Variants in NRG3 observed in about 807,000 individuals in gnomAD.
NRG3 encodes neuregulin 3.
Under a neutral mutation model 66.9 loss-of-function variants are expected in NRG3, and 31 were observed. The ratio of observed to expected loss-of-function variants is 0.46; its 90% CI spans 0.35 to 0.63. NRG3 has a LOEUF of 0.63. Ranked by LOEUF, NRG3 falls within the 20% of genes least tolerant of loss-of-function variation. The pLI, the probability that NRG3 is intolerant of heterozygous loss-of-function variation, is 0.00. For synonymous variants in NRG3, 393 were observed against 359.4 expected, an observed-to-expected ratio of 1.09 and a Z score of -1.06; for missense variants, 910 against 878.9, an observed-to-expected ratio of 1.04 and a Z score of -0.45.
chr10:82,554,869 G>A lies in NRG3; in HGVS notation c.954-183708G>A, dbSNP rs765948786. On this transcript the variant is annotated intron_variant, in intron 2 of 8. Transcript: ENST00000372141. The stretch of plus-strand genomic sequence containing the variant: ...CGACATGTGAATTTCTATGTGAAAA[G>A]AGCAGTTATGAGGACGGTTTGTATG... Among the ~76,000 whole-genome samples, 3 of 152,148 alleles carry A rather than the reference G, an allele frequency of 2.0e-5. No individual in the cohort carries two copies. In the East Asian group the frequency reaches 5.8e-4, roughly 29 times the overall value.
chr10:82,524,575 T>A (rs1416712337), intron 2 of NRG3, among the ~76,000 whole-genome samples: 1 of 151,848 alleles, frequency 6.6e-6, no homozygotes, highest in Admixed American at 6.6e-5. Context: ...TTACCATAAT[T>A]CTCTGTTAGA....
intron 2 of NRG3, among the ~76,000 whole-genome samples, chr10:82,566,695 C>T (rs2045428238): frequency 6.6e-6 from 1 of 151,882 alleles, no homozygotes; most frequent in Non-Finnish European, 1.5e-5. Context: ...ATGAGGGTTA[C>T]AGATTTTTGT....
In NRG3 at chr10:82,437,684, G is replaced by A. The variant is rs11194314; in HGVS notation, c.953+78816G>A. ...CATCTTCGTGAATTTGTCTACTTTT[G>A]GTCTTTGAGGTTGCTGATCCTTGGA... On this transcript the variant is annotated intron_variant, in intron 2 of 8. Coordinates refer to ENST00000372141, the MANE Select transcript of NRG3 (RefSeq NM_001010848.4). Among the ~76,000 whole-genome samples, 851 of 152,114 alleles carry A rather than the reference G, an allele frequency of 5.6e-3. 6 individuals are homozygous for A. The highest frequency in any genetic ancestry group is 0.02 in the African/African-American group (817 of 41,488).
chr10:82,566,327 A>G (rs563960054), intron 2 of NRG3, among the ~76,000 whole-genome samples: 33 of 152,122 alleles, frequency 2.2e-4, no homozygotes, highest in African/African-American at 7.9e-4. Context: ...GATGTATGCA[A>G]TGTATTAAAT....
intron 2 of NRG3, among the ~76,000 whole-genome samples, chr10:82,440,362 A>ATT (rs5786552): frequency 0.02 from 2,677 of 136,238 alleles, 64 homozygotes; most frequent in African/African-American, 0.054. Context: ...TGCCTGTTTG[A>ATT]TTTTTTTTTT....
chr10:82,986,314 T>G lies in NRG3; in HGVS notation c.*709T>G, dbSNP rs560335358. ...AAAATCATGCTAATAGAAATGTTTT[T>G]CCTTGAGATTGTTTAGAGGCTCTGG... On this transcript the variant is annotated 3_prime_UTR_variant, in exon 9 of 9. Coordinates refer to ENST00000372141, the MANE Select transcript of NRG3 (RefSeq NM_001010848.4). 2 of 152,230 alleles carry G rather than the reference T, an allele frequency of 1.3e-5. No individual in the cohort carries two copies. The highest frequency in any genetic ancestry group is 4.1e-4 in the South Asian group (2 of 4,832). The allele number at this position is 152,230 out of a possible 1,614,324, so 9.4% of individuals were successfully genotyped here. A position where few individuals can be genotyped will look rare whatever the true frequency, so the allele number is the denominator to read the frequency against.
chr10:82,443,214 G>T (rs1213139121), intron 2 of NRG3, among the ~76,000 whole-genome samples: 2 of 98,612 alleles, frequency 2.0e-5, no homozygotes, highest in Non-Finnish European at 3.8e-5. Flanking sequence ...GGATGCACTT[G>T]GTTTTTTTCT....
At chr10:82,154,643 G>A (rs2071049237) in intron 1 of NRG3, among the ~76,000 whole-genome samples, 1 of 151,672 alleles carries the variant, frequency 6.6e-6, no homozygotes, top group South Asian at 2.1e-4. Flanking sequence ...CATTGAATCT[G>A]TAGATTGCTT....
chr10:82,384,841 G>A (rs1321904065), intron 2 of NRG3, among the ~76,000 whole-genome samples: 1 of 152,132 alleles, frequency 6.6e-6, no homozygotes, highest in Admixed American at 6.5e-5. Flanking sequence ...CTAGGTCTTT[G>A]AGGAATTGCC....
chr10:82,329,743 G>A (rs1023627302), intron 1 of NRG3, among the ~76,000 whole-genome samples: 6 of 152,054 alleles, frequency 3.9e-5, no homozygotes, highest in African/African-American at 1.2e-4. Flanking sequence ...TTTTATCTTG[G>A]CAATGTCACT....
intron 1 of NRG3, among the ~76,000 whole-genome samples, chr10:81,878,421 T>A (rs1433318615): frequency 6.6e-6 from 1 of 152,230 alleles, no homozygotes; most frequent in Non-Finnish European, 1.5e-5. Flanking sequence ...GTAGTTTTCA[T>A]AAAACGTGTT....
chr10:82,611,660 G>A (rs1323964593), intron 2 of NRG3, among the ~76,000 whole-genome samples: 1 of 152,138 alleles, frequency 6.6e-6, no homozygotes, highest in African/African-American at 2.4e-5. Context: ...TCTTAATCCA[G>A]TCTATCATTG....
At chr10:81,885,412 A>G (rs1334544820) in intron 1 of NRG3, among the ~76,000 whole-genome samples, 1 of 152,180 alleles carries the variant, frequency 6.6e-6, no homozygotes, top group Non-Finnish European at 1.5e-5. Flanking sequence ...TCTGAATTCC[A>G]TCTTGGAGCC....
At chr10:82,954,626 G>A (rs1220089428) in intron 5 of NRG3, among the ~76,000 whole-genome samples, 1 of 151,822 alleles carries the variant, frequency 6.6e-6, no homozygotes, top group African/African-American at 2.4e-5. Flanking sequence ...ACCTGAAATT[G>A]GATTAGCTAT....
chr10:82,251,707 A>G (rs2077497493), intron 1 of NRG3, among the ~76,000 whole-genome samples: 1 of 152,128 alleles, frequency 6.6e-6, no homozygotes, highest in Admixed American at 6.5e-5. Context: ...TTAAATCGAG[A>G]ATTGGGCAAG....
chr10:81,883,709 A>G (rs1170821107), intron 1 of NRG3, among the ~76,000 whole-genome samples: 1 of 152,202 alleles, frequency 6.6e-6, no homozygotes, highest in Non-Finnish European at 1.5e-5. Flanking sequence ...CTTCCTCCTC[A>G]GATACCTTCC....
chr10:82,659,608 C>T (rs528692014), intron 2 of NRG3, among the ~76,000 whole-genome samples: 1 of 152,038 alleles, frequency 6.6e-6, no homozygotes, highest in Non-Finnish European at 1.5e-5. Flanking sequence ...CGTGCCACTG[C>T]ACTTCAGCCT....
intron 1 of NRG3, among the ~76,000 whole-genome samples, chr10:82,036,310 G>T (rs946431397): frequency 6.6e-6 from 1 of 152,050 alleles, no homozygotes; most frequent in Non-Finnish European, 1.5e-5. Flanking sequence ...TGAAGGGGAG[G>T]CCATTAAACC....
chr10:82,149,506 G>A (rs764668452), intron 1 of NRG3, among the ~76,000 whole-genome samples: 30 of 152,038 alleles, frequency 2.0e-4, no homozygotes, highest in South Asian at 4.1e-4. Flanking sequence ...TTATGTACTT[G>A]TAATCGGAGC....
Sources: allele counts gnomAD v4.1 joint callset (sites outside exome capture counted in the v4.1 genomes callset), GRCh38; gene constraint gnomAD v4.1.1; transcripts MANE v1.5; gene names NCBI Gene and HGNC (gene_info 2026-07-23, HGNC 2026-07-21).